The following CNTN3 variants were observed in gnomAD, a reference collection of about 807,000 sequenced individuals.
CNTN3 encodes the protein contactin-3.
CNTN3 carries 60 observed loss-of-function variants against 119.1 expected under a neutral mutation model. The ratio of observed to expected loss-of-function variants is 0.50; its 90% CI spans 0.41 to 0.62. CNTN3 has a LOEUF of 0.62. Ranked by LOEUF, CNTN3 falls within the 20% of genes least tolerant of loss-of-function variation. The pLI is 0.00. For missense variants in CNTN3, 1,101 were observed against 1,242.4 expected, an observed-to-expected ratio of 0.89 and a Z score of 1.71; for synonymous variants, 450 against 438.7, an observed-to-expected ratio of 1.03 and a Z score of -0.32.
chr3:74,512,527 A>G (rs1703384226), intron 2 of CNTN3, among the ~76,000 whole-genome samples: 1 of 152,042 alleles, frequency 6.6e-6, no homozygotes, highest in Non-Finnish European at 1.5e-5. Context: ...TCACCAAAGC[A>G]ATATCAATGG....
At chr3:74,593,561 T>A (rs560074526) in intron 1 of CNTN3, among the ~76,000 whole-genome samples, 1 of 151,988 alleles carries the variant, frequency 6.6e-6, no homozygotes, top group Admixed American at 6.6e-5. Flanking sequence ...TCTGTTTGAG[T>A]AGAATAATTA....
chr3:74,302,344 T>C (rs1702477461), intron 14 of CNTN3, among the ~76,000 whole-genome samples: 1 of 152,212 alleles, frequency 6.6e-6, no homozygotes, highest in African/African-American at 2.4e-5. Flanking sequence ...ATGTCCTGCA[T>C]ACAATTATTC....
At chr3:74,588,090 T>C (rs980038540) in intron 1 of CNTN3, among the ~76,000 whole-genome samples, 5 of 152,148 alleles carry the variant, frequency 3.3e-5, no homozygotes, top group African/African-American at 9.7e-5. Context: ...ATATGCTGGA[T>C]TACATTTATT....
chr3:74,525,849 G>T (rs531642206), intron 1 of CNTN3, among the ~76,000 whole-genome samples: 49 of 151,936 alleles, frequency 3.2e-4, no homozygotes, highest in African/African-American at 1.1e-3. Context: ...AAAGAAGGAA[G>T]AAACCATTTG....
chr3:74,289,712 T>C (rs1156833459), intron 19 of CNTN3, among the ~76,000 whole-genome samples: 1 of 152,202 alleles, frequency 6.6e-6, no homozygotes, highest in Non-Finnish European at 1.5e-5. Flanking sequence ...TAACTGAGCC[T>C]TGGAGAGCTC....
In CNTN3 at chr3:74,371,342, C is replaced by T. The variant is rs367688857; in HGVS notation, c.512G>A (p.Arg171Gln). The T allele has an allele frequency of 1.2e-5, 20 of 1,613,252 alleles. No homozygotes were observed. The highest frequency in any genetic ancestry group is 6.7e-5 in the African/African-American group (5 of 74,854). ...CCCTGTCTCCTGGGAGACAAATCTC[C>T]GACTATCTTCTTCAACAAACGATGG... Reference protein sequence around the residue: ...EYPSFVEEDSRRFVSQETGHL... With the variant: ...EYPSFVEEDSQRFVSQETGHL... Residue 171 changes from arginine to glutamine, a missense_variant, in exon 6 of 23, where the codon CGG (arginine) becomes CAG (glutamine). Coordinates refer to ENST00000263665, the MANE Select transcript of CNTN3 (RefSeq NM_020872.3).
chr3:74,396,563 G>A (rs1315562721), intron 5 of CNTN3, among the ~76,000 whole-genome samples: 1 of 144,384 alleles, frequency 6.9e-6, no homozygotes, highest in East Asian at 2.2e-4. Flanking sequence ...TGGCTAACAC[G>A]GTGAAACACC....
chr3:74,514,232 C>T (rs1291003760), intron 2 of CNTN3, among the ~76,000 whole-genome samples: 1 of 151,836 alleles, frequency 6.6e-6, no homozygotes, highest in Non-Finnish European at 1.5e-5. Context: ...ATAATATGCT[C>T]CAATAATTGT....
intron 5 of CNTN3, among the ~76,000 whole-genome samples, chr3:74,417,799 C>T (rs959603805): frequency 3.3e-5 from 5 of 152,020 alleles, no homozygotes; most frequent in Admixed American, 1.3e-4. Context: ...TGTCTTAATG[C>T]GACTATGAAT....
intron 20 of CNTN3, among the ~76,000 whole-genome samples, chr3:74,284,179 A>G (rs1282385205): frequency 6.6e-6 from 1 of 152,158 alleles, no homozygotes; most frequent in East Asian, 1.9e-4. Flanking sequence ...ATCATATTCA[A>G]CTTTATATTA....
At chr3:74,324,281 C>T (rs1198901268) in intron 13 of CNTN3, among the ~76,000 whole-genome samples, 7 of 151,778 alleles carry the variant, frequency 4.6e-5, no homozygotes, top group Admixed American at 2.0e-4. Context: ...GTTCAATCTC[C>T]GCTCACTGCA....
chr3:74,592,494 CAT>C (rs1453050397), intron 1 of CNTN3, among the ~76,000 whole-genome samples: 1 of 124,210 alleles, frequency 8.1e-6, no homozygotes, highest in Non-Finnish European at 1.5e-5. Context: ...CACACACACA[CAT>C]ACACACAGTA....
intron 1 of CNTN3, among the ~76,000 whole-genome samples, chr3:74,531,282 C>T (rs891898457): frequency 2.0e-4 from 30 of 151,752 alleles, no homozygotes; most frequent in African/African-American, 7.3e-4. Context: ...GGTGGGGCTA[C>T]CTGAGTTTTC....
chr3:74,308,333 G>T (rs1702606069), intron 13 of CNTN3, among the ~76,000 whole-genome samples: 1 of 152,142 alleles, frequency 6.6e-6, no homozygotes, highest in African/African-American at 2.4e-5. Flanking sequence ...CTGTCACATG[G>T]TTGTCTGAAC....
At chr3:74,293,021 A>ACC (rs202032110) in intron 19 of CNTN3, among the ~76,000 whole-genome samples, 1 of 116,048 alleles carries the variant, frequency 8.6e-6, no homozygotes, top group Non-Finnish European at 1.8e-5. Context: ...ACTTCTTCAT[A>ACC]CTCTCTCTTC....
chr3:74,544,664 T>C (rs903964149), intron 1 of CNTN3, among the ~76,000 whole-genome samples: 1 of 152,114 alleles, frequency 6.6e-6, no homozygotes. Context: ...AGTGGCGCGA[T>C]ATCAGCTCAA....
chr3:74,453,066 G>C (rs931670584), intron 4 of CNTN3, among the ~76,000 whole-genome samples: 7 of 151,784 alleles, frequency 4.6e-5, no homozygotes, highest in Admixed American at 2.0e-4. Flanking sequence ...TTTTTCTATT[G>C]ATTGGAATAG....
chr3:74,571,411 T>G (rs1286229321), intron 1 of CNTN3, among the ~76,000 whole-genome samples: 1 of 152,142 alleles, frequency 6.6e-6, no homozygotes, highest in Non-Finnish European at 1.5e-5. Flanking sequence ...TGAAGGAGAT[T>G]AGCTTAGCGG....
At position 74,449,667 on chromosome 3, in the gene CNTN3, C is replaced by T. The variant is rs117739136; in HGVS notation, c.359-24727G>A. ...TAATTTATATATTATGCAAGAAAACCTTCTGATGCACCTCAGCTTTCATTA... is the reference window on the plus strand; with the variant it reads ...TAATTTATATATTATGCAAGAAAACTTTCTGATGCACCTCAGCTTTCATTA... On this transcript the variant is annotated intron_variant, in intron 4 of 22. Transcript: ENST00000263665. 2.3e-3 allele frequency among the ~76,000 whole-genome samples: 348 copies of T among 152,136 alleles called. 2 individuals are homozygous for T. In the East Asian group the frequency reaches 0.042, roughly 18 times the overall value.
Sources: gnomAD v4.1 joint callset for allele counts (sites outside exome capture counted in the v4.1 genomes callset) on GRCh38, gnomAD v4.1.1 for gene constraint, MANE v1.5 for transcripts, NCBI Gene and HGNC (gene_info 2026-07-23, HGNC 2026-07-21) for gene names.